Variants in LRIG1 observed in about 807,000 individuals in gnomAD.
LRIG1 encodes leucine-rich repeats and immunoglobulin-like domains protein 1.
In LRIG1, 48 loss-of-function variants were observed where a neutral mutation model predicts 99.2. That is an observed-to-expected ratio of 0.48 (90% confidence interval 0.38 to 0.62). The LOEUF (loss-of-function observed/expected upper bound fraction) is 0.62. LRIG1 is among the 20% of genes least tolerant of loss of function. LRIG1 has a pLI of 0.00. For synonymous variants in LRIG1, 772 were observed against 596.1 expected (o/e 1.29, Z -4.30); for missense variants, 1,646 against 1,434.4 (o/e 1.15, Z -2.38).
rs775917184 is a variant in LRIG1, at chr3:66,382,990, G to T, written c.2483C>A (p.Thr828Asn). 2 of 1,606,618 alleles carry T rather than the reference G, an allele frequency of 1.2e-6. No individual in the cohort carries two copies. The highest frequency in any genetic ancestry group is 1.7e-6 in the Non-Finnish European group (2 of 1,174,326). Residue 828 changes from threonine (T) to asparagine (N), a missense_variant, in exon 15 of 19, where the codon ACC becomes AAC. Transcript: ENST00000273261. Reference protein sequence around the residue: ...TRKKSEEYSVTNTDETVVPPD... With the variant: ...TRKKSEEYSVNNTDETVVPPD... Reference sequence around the variant, plus strand: ...CGCTGGCAGGGCCTGACCTGTGTTGGTGACACTGTACTCTTCACTCTTCTT... The same window carrying T: ...CGCTGGCAGGGCCTGACCTGTGTTGTTGACACTGTACTCTTCACTCTTCTT...
rs760629030 is a variant in LRIG1, at chr3:66,381,625, C to T, written c.2624G>A (p.Cys875Tyr). The change falls in exon 17 of 19, where the codon TGT becomes TAT. Residue 875 changes from cysteine to tyrosine, a missense_variant. Physicochemically the swap from Cys to Tyr is radical, Grantham distance 194. Coordinates refer to ENST00000273261, the MANE Select transcript of LRIG1 (RefSeq NM_015541.3). ...ANGHIESNGV[C>Y]PRDASHFPEP... is the part of the protein sequence containing the mutation. ...TGGAAAGTGGCTTGCATCTCTTGGA[C>T]ACACACCTGCAAGTGGATTCCAACA... is the stretch of plus-strand genomic sequence containing the variant. 5 of 1,613,338 alleles carry T rather than the reference C, an allele frequency of 3.1e-6. No homozygotes were observed. The Admixed American group carries it at 6.7e-5, about 22-fold the overall frequency.
chr3:66,495,764 T>G (rs553676587), intron 1 of LRIG1, among the ~76,000 whole-genome samples: 32 of 152,314 alleles, frequency 2.1e-4, no homozygotes, highest in African/African-American at 6.0e-4. Context: ...CTGGGCCAGG[T>G]GCATTGTTAA....
intron 1 of LRIG1, among the ~76,000 whole-genome samples, chr3:66,476,103 G>A (rs1345464411): frequency 6.6e-6 from 1 of 152,160 alleles, no homozygotes; most frequent in Non-Finnish European, 1.5e-5. Context: ...TGCAACTGAG[G>A]ACAATGAAGA....
chr3:66,477,946 G>A lies in LRIG1; in HGVS notation c.219-15437C>T, dbSNP rs1039164357. Among the ~76,000 whole-genome samples the A allele has an allele frequency of 2.0e-5, 3 of 152,238 alleles. No individual in the cohort carries two copies. The East Asian group carries it at 5.8e-4, about 29-fold the overall frequency. On this transcript the variant is annotated intron_variant, in intron 1 of 18. Coordinates refer to ENST00000273261, the MANE Select transcript of LRIG1 (RefSeq NM_015541.3). ...CGACCAAAAAAAATTAAACCTTGGG[G>A]GTATGAGTTAGCTGCAAAGCCATGG... is the stretch of plus-strand genomic sequence containing the variant.
At chr3:66,397,951 A>G (rs961586526) in intron 11 of LRIG1, among the ~76,000 whole-genome samples, 161 bp downstream of exon 11, 4 of 152,250 alleles carry the variant, frequency 2.6e-5, no homozygotes, top group African/African-American at 4.8e-5. Context: ...TTCTGCTGCA[A>G]TGATGCAATC....
chr3:66,500,581 T>A lies in LRIG1; in HGVS notation c.-174A>T. 2.8e-6 allele frequency: 1 copy of A among 355,076 alleles called. No individual in the cohort carries two copies. Among genetic ancestry groups the A allele is most frequent in the Non-Finnish European group, 4.9e-6 (1 of 202,756 alleles). The allele number at this position is 355,076 out of a possible 1,614,324, so 22.0% of individuals were successfully genotyped here. Reference sequence around the variant, plus strand: ...GCTCCGGCACTCAGCGTGCCCCCGGTGCCCGGGCCGCTCCGGAGCACCCGG... The same window carrying A: ...GCTCCGGCACTCAGCGTGCCCCCGGAGCCCGGGCCGCTCCGGAGCACCCGG... On this transcript the variant is annotated 5_prime_UTR_variant, in exon 1 of 19. Transcript: ENST00000273261.
rs783512 is a variant in LRIG1, at chr3:66,398,718, G to A, written c.1232+252C>T. ...CAGGGGTTAGGCTGCGCAGCAGGAG[G>A]GGGGAGGGTATTTATCCAAATACCA... On this transcript the variant is annotated intron_variant, in intron 10 of 18. Coordinates refer to ENST00000273261, the MANE Select transcript of LRIG1 (RefSeq NM_015541.3). Among the ~76,000 whole-genome samples the A allele has an allele frequency of 1.3e-3, 205 of 152,196 alleles. 1 individual carries two copies. Among genetic ancestry groups the A allele is most frequent in the African/African-American group, 4.6e-3 (191 of 41,548 alleles).
rs760955079 is a variant in LRIG1 at position 66,383,164 on chromosome 3, C to T, written c.2309G>A (p.Gly770Asp). 6.2e-7 allele frequency: 1 copy of T among 1,614,222 alleles called. No individual in the cohort carries two copies. The highest frequency in any genetic ancestry group is 1.7e-5 in the Admixed American group (1 of 60,030). Residue 770 changes from glycine to aspartate, a missense_variant, in exon 15 of 19, where the codon GGC (glycine) becomes GAC (aspartate). By Grantham distance (94) the Gly-to-Asp change is moderately conservative. Transcript: ENST00000273261. ...RYTCEMSNTLGTERAHSQLSV... is the reference protein window; with the variant it reads ...RYTCEMSNTLDTERAHSQLSV... ...CAGCTGGCTGTGAGCTCGCTCCGTG[C>T]CCAGGGTGTTGGACATCTCACAGGT...
chr3:66,390,678 C>G (rs1395119838), intron 12 of LRIG1, among the ~76,000 whole-genome samples: 1 of 152,022 alleles, frequency 6.6e-6, no homozygotes, highest in Non-Finnish European at 1.5e-5. Flanking sequence ...AGAATAAAAT[C>G]AAAGGGCTTT....
intron 6 of LRIG1, among the ~76,000 whole-genome samples, chr3:66,410,707 A>C (rs188381213): frequency 5.9e-5 from 9 of 152,354 alleles, no homozygotes; most frequent in Non-Finnish European, 1.3e-4. Context: ...CCAGGCCAAC[A>C]AACGGGCACA....
In LRIG1 at chr3:66,500,734, T is replaced by G; in HGVS notation, c.-327A>C. On this transcript the variant is annotated 5_prime_UTR_variant, in exon 1 of 19. Coordinates refer to ENST00000273261, the MANE Select transcript of LRIG1 (RefSeq NM_015541.3). ...CCGCCCGGGGCACGCCGAGTGCCGC[T>G]ACCGACACCGGCCGAGGGCAGTGCT... 3 of 189,096 alleles carry G rather than the reference T, an allele frequency of 1.6e-5. No individual in the cohort carries two copies. Among genetic ancestry groups the G allele is most frequent in the Non-Finnish European group, 1.1e-5 (1 of 92,574 alleles). The allele number at this position is 189,096 out of a possible 1,614,324, so 11.7% of individuals were successfully genotyped here.
chr3:66,407,628 C>CAA (rs1420006474), intron 7 of LRIG1, 137 bp from the exon 8 acceptor site: 2 of 848,740 alleles, frequency 2.4e-6, no homozygotes, highest in African/African-American at 1.7e-5. Context: ...TGCGTGCACA[C>CAA]ACACACCCAC....
intron 6 of LRIG1, among the ~76,000 whole-genome samples, chr3:66,410,546 T>C (rs529035995): frequency 6.6e-6 from 1 of 152,158 alleles, no homozygotes; most frequent in African/African-American, 2.4e-5. Context: ...TTTGGCTGAG[T>C]AAAAGTGAAC....
In LRIG1 at chr3:66,418,834, C is replaced by A. The variant is rs114338566; in HGVS notation, c.366-1568G>T. On this transcript the variant is annotated intron_variant, in intron 3 of 18. Coordinates refer to ENST00000273261, the MANE Select transcript of LRIG1 (RefSeq NM_015541.3). Reference sequence around the variant, plus strand: ...TTGTTTTTTTCATGCGTCTCCCAGGCCCTGAACTCGAAAGTCCATTTCCAA... The same window carrying A: ...TTGTTTTTTTCATGCGTCTCCCAGGACCTGAACTCGAAAGTCCATTTCCAA... Among the ~76,000 whole-genome samples the A allele has an allele frequency of 5.9e-3, 903 of 152,178 alleles. 5 individuals are homozygous for A. The highest frequency in any genetic ancestry group is 0.021 in the African/African-American group (870 of 41,512).
intron 3 of LRIG1, among the ~76,000 whole-genome samples, chr3:66,440,835 G>C (rs1329986501): frequency 6.6e-6 from 1 of 152,186 alleles, no homozygotes; most frequent in Non-Finnish European, 1.5e-5. Context: ...ACTGAGGCCT[G>C]AGAGAACCTG....
chr3:66,402,787 C>T (rs566243484), intron 9 of LRIG1, among the ~76,000 whole-genome samples: 8 of 152,202 alleles, frequency 5.3e-5, no homozygotes, highest in Admixed American at 1.3e-4. Context: ...CCTAACAGGC[C>T]GGCACTGGGC....
At chr3:66,468,439 G>T (rs1455335935) in intron 1 of LRIG1, among the ~76,000 whole-genome samples, 1 of 152,232 alleles carries the variant, frequency 6.6e-6, no homozygotes, top group Non-Finnish European at 1.5e-5. Context: ...CCTGAAGAAT[G>T]AGGTTTTCAT....
At chr3:66,391,212 G>A (rs1391857233) in intron 12 of LRIG1, among the ~76,000 whole-genome samples, 1 of 152,168 alleles carries the variant, frequency 6.6e-6, no homozygotes, top group Non-Finnish European at 1.5e-5. Context: ...CATTGGTGAT[G>A]GGCATGTAAA....
intron 3 of LRIG1, among the ~76,000 whole-genome samples, chr3:66,439,547 A>G (rs183218739): frequency 2.0e-5 from 3 of 151,202 alleles, no homozygotes; most frequent in Non-Finnish European, 4.4e-5. Flanking sequence ...TTCAGTTTCT[A>G]TATCATCTAT....
Sources: allele counts gnomAD v4.1 joint callset (sites outside exome capture counted in the v4.1 genomes callset), GRCh38; gene constraint gnomAD v4.1.1; transcripts MANE v1.5; gene names NCBI Gene and HGNC (gene_info 2026-07-23, HGNC 2026-07-21).